Variants in RTL9 observed in about 807,000 individuals in gnomAD.
RTL9 encodes the protein retrotransposon Gag like 9.
In RTL9, 19 loss-of-function variants were observed where a neutral mutation model predicts 44.7. The observed-to-expected ratio is 0.42, with a 90% CI of 0.30 to 0.62. The LOEUF (loss-of-function observed/expected upper bound fraction) is 0.62, where lower values mean the gene tolerates loss of function less well. Among genes scored for constraint, RTL9 ranks in the 20% least tolerant of loss-of-function variants. RTL9 has a pLI of 0.16. For missense variants in RTL9, 1,105 were observed against 1,080.6 expected, an observed-to-expected ratio of 1.02 and a Z score of -0.32; for synonymous variants, 407 against 398.9, an observed-to-expected ratio of 1.02 and a Z score of -0.24.
rs1464174880 is a variant in RTL9, at chrX:110,453,041, G to A, written c.2424G>A (p.Thr808=). Residue 808 remains threonine (T), a synonymous_variant, in exon 1 of 2, where the codon ACG becomes ACA. Coordinates refer to ENST00000540313, the Ensembl canonical transcript of RTL9. ...CTCCAGCTTCTGGAGAGATAGCCAC[G>A]CCTCTGAGATCCCCAGCTTATGGAG... is the stretch of plus-strand genomic sequence containing the variant. The A allele has an allele frequency of 3.3e-6, 4 of 1,208,866 alleles. No homozygotes were observed. In the African/African-American group the frequency reaches 5.3e-5, roughly 16 times the overall value.
chrX:110,441,480 C>T (rs969027250), intron 1 of RTL9, among the ~76,000 whole-genome samples: 10 of 112,275 alleles, frequency 8.9e-5, no homozygotes, highest in Non-Finnish European at 1.9e-4. Flanking sequence ...GCTCAGTTTT[C>T]CCATCTGTCA....
Position 110,423,374 on chromosome X carries a change from AAGAAGG to A in RTL9, c.-168+4255_-168+4260del, listed in dbSNP as rs1367419021. Among the ~76,000 whole-genome samples, 763 of 110,085 alleles carry A rather than the reference AAGAAGG, an allele frequency of 6.9e-3. 8 individuals are homozygous for A. The highest frequency in any genetic ancestry group is 0.024 in the African/African-American group (723 of 30,283). On this transcript the variant is annotated intron_variant, in intron 1 of 3. Transcript: ENST00000465301. Reference sequence around the variant, plus strand: ...AAAAAGAAAGAGGAAGGAGAAGGAGAAGAAGGAGAAGGAGAAGGAGAGAAGAAGAAG... The same window carrying A: ...AAAAAGAAAGAGGAAGGAGAAGGAGAAGAAGGAGAAGGAGAGAAGAAGAAG...
intron 1 of RTL9, among the ~76,000 whole-genome samples, chrX:110,378,795 C>T (rs758056856): frequency 1.3e-3 from 140 of 111,621 alleles, no homozygotes; most frequent in Non-Finnish European, 2.0e-3. Context: ...CTGCTGTACA[C>T]CTGTCCACCC....
chrX:110,428,528 G>A (rs2068770692), intron 1 of RTL9, among the ~76,000 whole-genome samples: 1 of 110,994 alleles, frequency 9.0e-6, no homozygotes, highest in African/African-American at 3.3e-5. Flanking sequence ...TTCTGTCCAG[G>A]CCCCCGTTGC....
chrX:110,412,553 G>A (rs1203898455), intron 1 of RTL9, among the ~76,000 whole-genome samples: 1 of 111,757 alleles, frequency 8.9e-6, no homozygotes, highest in Non-Finnish European at 1.9e-5. Context: ...CTGTAAAATG[G>A]GAAAAGTAAC....
At chrX:110,420,167 C>T (rs1322059547) in intron 1 of RTL9, among the ~76,000 whole-genome samples, 1 of 111,898 alleles carries the variant, frequency 8.9e-6, no homozygotes, top group Non-Finnish European at 1.9e-5. Flanking sequence ...GATTCTACTA[C>T]AGCACTGGCC....
upstream of RTL9, among the ~76,000 whole-genome samples, chrX:110,447,670 T>G (rs1207552116): frequency 9.0e-6 from 1 of 111,509 alleles, no homozygotes; most frequent in Non-Finnish European, 1.9e-5. Flanking sequence ...AGTGCCTACC[T>G]TACAGGTGTT....
At position 110,402,178 on chromosome X, in the gene RTL9, T is replaced by G. The variant is rs142648104; in HGVS notation, c.-167-42975T>G. Among the ~76,000 whole-genome samples the G allele has an allele frequency of 2.7e-4, 30 of 112,915 alleles. No homozygotes were observed. The East Asian group carries it at 7.2e-3, about 27-fold the overall frequency. ...AAACAGAGTCCCTTGCTCTGAGGAA[T>G]GTTGCTATGGTCTATCTTAGATCAA... On this transcript the variant is annotated intron_variant, in intron 1 of 2. Transcript: ENST00000520821.
chrX:110,405,904 A>G (rs746806749), intron 1 of RTL9, among the ~76,000 whole-genome samples: 1 of 111,488 alleles, frequency 9.0e-6, no homozygotes, highest in East Asian at 2.8e-4. Context: ...GCTTGACTAT[A>G]TTTTCTCTTT....
At chrX:110,445,468 A>G (rs1228835078) in intron 2 of RTL9, among the ~76,000 whole-genome samples, 200 bp downstream of exon 2, 1 of 111,435 alleles carries the variant, frequency 9.0e-6, no homozygotes, top group Non-Finnish European at 1.9e-5. Flanking sequence ...GCCGGTGCGC[A>G]TTTTAAGTGT....
At position 110,452,229 on chromosome X, in the gene RTL9, A is replaced by G. The variant is rs186910338; in HGVS notation, c.1612A>G (p.Met538Val). 4.0e-5 allele frequency: 48 copies of G among 1,210,426 alleles called. No homozygotes were observed. The Middle Eastern group carries it at 9.2e-4, about 23-fold the overall frequency. ...AGTCCCAGCCTCTGGATCAATGTCCATGCTGCAAATGAGAGCCCCTGTCTC... is the reference window on the plus strand; with the variant it reads ...AGTCCCAGCCTCTGGATCAATGTCCGTGCTGCAAATGAGAGCCCCTGTCTC... Residue 538 changes from methionine to valine, a missense_variant, in exon 1 of 2, where the codon ATG (methionine) becomes GTG (valine). Met to Val is a conservative substitution (Grantham distance 21). Transcript: ENST00000540313.
chrX:110,451,506 C>G, exon 1 of RTL9: 1 of 1,212,009 alleles, frequency 8.3e-7, no homozygotes, highest in Admixed American at 2.2e-5. Context: ...AATACCTACC[C>G]CGCTCATGTC....
chrX:110,404,503 T>C lies in RTL9; in HGVS notation c.-167-40650T>C, dbSNP rs959750572. Among the ~76,000 whole-genome samples, 3 of 112,159 alleles carry C rather than the reference T, an allele frequency of 2.7e-5. No homozygotes were observed. In the East Asian group the frequency reaches 8.4e-4, roughly 31 times the overall value. On this transcript the variant is annotated intron_variant, in intron 1 of 2. Transcript: ENST00000520821. ...ACTTTCACCTGAGCATGCTGGTTGG[T>C]AATAGGAAGGGAAAATAGCACTGTC...
At chrX:110,406,367 TGATCTTGC>T (rs2068602054) in intron 1 of RTL9, among the ~76,000 whole-genome samples, 1 of 110,815 alleles carries the variant, frequency 9.0e-6, no homozygotes, top group Non-Finnish European at 1.9e-5. Context: ...TTTGGTTTTC[TGATCTTGC>T]GATAGTTTGC....
intron 1 of RTL9, among the ~76,000 whole-genome samples, chrX:110,373,822 T>C (rs1237691832): frequency 9.0e-6 from 1 of 110,522 alleles, no homozygotes; most frequent in South Asian, 3.8e-4. Context: ...AAATGAAGAA[T>C]ATAGAAAATA....
chrX:110,395,069 G>T (rs2068519565), intron 1 of RTL9, among the ~76,000 whole-genome samples: 1 of 112,871 alleles, frequency 8.9e-6, no homozygotes, highest in Non-Finnish European at 1.9e-5. Flanking sequence ...TGTGGGCAAA[G>T]CATTTGTCAT....
chrX:110,456,330 A>G (rs1484954824), downstream of RTL9: 3 of 112,741 alleles, frequency 2.7e-5, no homozygotes, highest in Non-Finnish European at 5.6e-5. Flanking sequence ...ATTTATGAAA[A>G]AAGAGTTCAT....
At chrX:110,436,000 A>C (rs1456447277) in intron 1 of RTL9, among the ~76,000 whole-genome samples, 1 of 112,591 alleles carries the variant, frequency 8.9e-6, no homozygotes, top group Non-Finnish European at 1.9e-5. Context: ...TATAAGAGGC[A>C]AAGCCTGCCG....
exon 2 of RTL9, chrX:110,455,247 G>T (rs779116166): frequency 1.7e-6 from 2 of 1,207,949 alleles, no homozygotes; most frequent in African/African-American, 1.8e-5. Context: ...AGAGCATGGA[G>T]ACCCCCAAGA....
Sources: allele counts gnomAD v4.1 joint callset (sites outside exome capture counted in the v4.1 genomes callset), GRCh38; gene constraint gnomAD v4.1.1; transcripts MANE v1.5; gene names NCBI Gene and HGNC (gene_info 2026-07-23, HGNC 2026-07-21).